Variants in SDC1 observed in about 807,000 individuals in gnomAD.
SDC1 encodes syndecan-1.
SDC1 carries 14 observed loss-of-function variants against 29.7 expected under a neutral mutation model. The observed-to-expected ratio is 0.47, with a 90% CI of 0.31 to 0.74. SDC1 has a LOEUF of 0.74. Among genes scored for constraint, SDC1 ranks in the 30% least tolerant of loss-of-function variants. The pLI is 0.05. For missense variants in SDC1, 406 were observed against 400.3 expected (o/e 1.01, Z -0.12); for synonymous variants, 204 against 175.5 (o/e 1.16, Z -1.29).
At chr2:20,210,888 T>A (rs1677445925) in intron 1 of SDC1, among the ~76,000 whole-genome samples, 1 of 150,116 alleles carries the variant, frequency 6.7e-6, no homozygotes, top group East Asian at 2.0e-4. Flanking sequence ...TTCCACACAA[T>A]GGCAAATGTC....
At position 20,203,449 on chromosome 2, in the gene SDC1, G is replaced by A. The variant is rs1572458616; in HGVS notation, c.628-227C>T. On this transcript the variant is annotated intron_variant, in intron 3 of 4. Transcript: ENST00000254351. ...TGGATATCACAAAAAGTGATACAAA[G>A]CACACATTTTTGTATGGAAATAAGC... is the stretch of plus-strand genomic sequence containing the variant. 5.3e-5 allele frequency among the ~76,000 whole-genome samples: 8 copies of A among 152,336 alleles called. 2 individuals are homozygous for A. The South Asian group carries it at 1.7e-3, about 32-fold the overall frequency.
intron 1 of SDC1, among the ~76,000 whole-genome samples, chr2:20,222,009 G>C (rs1245788854): frequency 6.6e-6 from 1 of 152,158 alleles, no homozygotes; most frequent in Non-Finnish European, 1.5e-5. Context: ...AAAGAGAAGA[G>C]AGAAAGAATG....
intron 3 of SDC1, among the ~76,000 whole-genome samples, chr2:20,203,455 A>C (rs1449508465): frequency 6.6e-6 from 1 of 152,234 alleles, no homozygotes; most frequent in African/African-American, 2.4e-5. Context: ...CAAAGCACAC[A>C]TTTTTGTATG....
chr2:20,207,413 C>T (rs1029224355), intron 1 of SDC1: 1 of 984,952 alleles, frequency 1.0e-6, no homozygotes. Flanking sequence ...CATGGCCCAT[C>T]TACAATAAAC....
At chr2:20,206,599 A>C (rs183004434) in intron 1 of SDC1, among the ~76,000 whole-genome samples, 183 of 152,312 alleles carry the variant, frequency 1.2e-3, no homozygotes, top group African/African-American at 4.0e-3. Context: ...TACACAGTCT[A>C]TCTTGAGAGG....
In SDC1 at chr2:20,204,956, A is replaced by G. The variant is rs80255318; in HGVS notation, c.148+387T>C. ...CTCTGTGCTGCCTTACAGCTCCACA[A>G]GCTTATCAGGTCAAGGTATTATTCC... On this transcript the variant is annotated intron_variant, in intron 2 of 4. Transcript: ENST00000254351. Among the ~76,000 whole-genome samples, 164 of 152,358 alleles carry G rather than the reference A, an allele frequency of 1.1e-3. 1 individual carries two copies. Among genetic ancestry groups the G allele is most frequent in the African/African-American group, 3.6e-3 (151 of 41,590 alleles).
At chr2:20,209,982 A>G (rs1319410099) in intron 1 of SDC1, among the ~76,000 whole-genome samples, 1 of 152,178 alleles carries the variant, frequency 6.6e-6, no homozygotes, top group Non-Finnish European at 1.5e-5. Flanking sequence ...TCCAGCCCGC[A>G]CCCTGAATCA....
rs1677306130 is a variant in SDC1 at position 20,207,293 on chromosome 2, T to C, written c.67-1869A>G. 1.5e-5 allele frequency: 6 copies of C among 395,452 alleles called. No individual in the cohort carries two copies. In the South Asian group the frequency reaches 6.3e-4, roughly 41 times the overall value. The allele number at this position is 395,452 out of a possible 1,614,324, so 24.5% of individuals were successfully genotyped here. On this transcript the variant is annotated intron_variant, in intron 1 of 4. Transcript: ENST00000254351. ...AAAGGACAAAAGCTAAACTGTATCT[T>C]CCTTCCCCCAAGAGAAAGGTTTTGA...
intron 1 of SDC1, chr2:20,207,894 G>A (rs1293739404): frequency 1.7e-5 from 16 of 953,626 alleles, no homozygotes; most frequent in Non-Finnish European, 1.9e-5. Flanking sequence ...CCCACCGGGG[G>A]ATCACAGAGT....
chr2:20,210,837 T>C (rs1284001157), intron 1 of SDC1, among the ~76,000 whole-genome samples: 1 of 152,238 alleles, frequency 6.6e-6, no homozygotes, highest in East Asian at 1.9e-4. Flanking sequence ...GGAGGGCCCA[T>C]GGTCATGGCA....
chr2:20,203,782 C>A, intron 3 of SDC1, 31 bp downstream of exon 3: 1 of 1,487,118 alleles, frequency 6.7e-7, no homozygotes, highest in South Asian at 1.2e-5. Flanking sequence ...CCAACCCACT[C>A]AATTTCCCAA....
In SDC1 at chr2:20,203,901, G is replaced by C; in HGVS notation, c.539C>G (p.Thr180Arg). ...PSQADLHTPHTEDGGPSATER... is the reference protein window; with the variant it reads ...PSQADLHTPHREDGGPSATER... The stretch of plus-strand genomic sequence containing the variant: ...GGTGGCAGAAGGACCTCCATCCTCT[G>C]TGTGGGGAGTGTGAAGGTCAGCTTG... Residue 180 changes from threonine (T) to arginine (R), a missense_variant, in exon 3 of 5, where the codon ACA becomes AGA. Transcript: ENST00000254351. 1 of 1,613,896 alleles carries C rather than the reference G, an allele frequency of 6.2e-7. No homozygotes were observed. The highest frequency in any genetic ancestry group is 8.5e-7 in the Non-Finnish European group (1 of 1,179,950).
At chr2:20,212,326 C>T (rs886579303) in intron 1 of SDC1, among the ~76,000 whole-genome samples, 2 of 152,214 alleles carry the variant, frequency 1.3e-5, no homozygotes, top group Admixed American at 6.5e-5. Context: ...ATCTGTACAA[C>T]GGAGGTTTGG....
Position 20,204,084 on chromosome 2 carries a change from T to G in SDC1, c.356A>C (p.Gln119Pro). 6.2e-7 allele frequency: 1 copy of G among 1,609,986 alleles called. No individual in the cohort carries two copies. The highest frequency in any genetic ancestry group is 8.5e-7 in the Non-Finnish European group (1 of 1,179,758). Residue 119 changes from glutamine to proline, a missense_variant, in exon 3 of 5, where the codon CAG becomes CCG. Transcript: ENST00000254351. ...EVEPGLTAREQEATPRPRETT... is the reference protein window; with the variant it reads ...EVEPGLTAREPEATPRPRETT... ...CTCCCTGGGTCGGGGGGTGGCCTCCTGCTCCCGGGCGGTGAGGCCAGGCTC... is the reference window on the plus strand; with the variant it reads ...CTCCCTGGGTCGGGGGGTGGCCTCCGGCTCCCGGGCGGTGAGGCCAGGCTC...
At position 20,202,814 on chromosome 2, in the gene SDC1, G is replaced by A. The variant is rs773128317; in HGVS notation, c.885C>T (p.Asn295=). ...TGGTGGGCTTCTGGTAGGCCCCGCCGTTGGCTTGTTTCGGCTCCTCCAAGG... is the reference window on the plus strand; with the variant it reads ...TGGTGGGCTTCTGGTAGGCCCCGCCATTGGCTTGTTTCGGCTCCTCCAAGG... The part of the protein sequence containing the change: ...SYSLEEPKQA[N]GGAYQKPTKQ... Residue 295 remains asparagine, a synonymous_variant, in exon 5 of 5, where the codon AAC becomes AAT. Coordinates refer to ENST00000254351, the MANE Select transcript of SDC1 (RefSeq NM_002997.5). 1.9e-5 allele frequency: 31 copies of A among 1,613,198 alleles called. No homozygotes were observed. Among genetic ancestry groups the A allele is most frequent in the Admixed American group, 8.3e-5 (5 of 59,894 alleles).
At chr2:20,216,590 G>A (rs931153435) in intron 1 of SDC1, among the ~76,000 whole-genome samples, 2 of 152,202 alleles carry the variant, frequency 1.3e-5, no homozygotes, top group Non-Finnish European at 2.9e-5. Flanking sequence ...AGGGATGACA[G>A]GAAGCTACTG....
rs1677080946 is a variant in SDC1 at position 20,202,935 on chromosome 2, C to T, written c.764G>A (p.Gly255Glu). ...CCCCACGAGGCCTCCGGCAATGACC[C>T]CTAGGGCAGGTAGACGGGGCCAGCT... is the stretch of plus-strand genomic sequence containing the variant. The part of the protein sequence containing the change: ...GLLDRKEVLG[G>E]VIAGGLVGLI... The change falls in exon 5 of 5, where the codon GGG (glycine) becomes GAG (glutamate). Residue 255 changes from glycine to glutamate, a missense_variant and splice_region_variant. By Grantham distance (98) the Gly-to-Glu change is moderately conservative (BLOSUM62 -2). Transcript: ENST00000254351. 5 of 1,606,204 alleles carry T rather than the reference C, an allele frequency of 3.1e-6. No individual in the cohort carries two copies. The highest frequency in any genetic ancestry group is 2.2e-5 in the South Asian group (2 of 90,292).
At position 20,208,050 on chromosome 2, in the gene SDC1, G is replaced by A. The variant is rs375536740; in HGVS notation, c.67-2626C>T. 4.1e-6 allele frequency: 4 copies of A among 985,292 alleles called. No homozygotes were observed. The African/African-American group carries it at 5.2e-5, about 13-fold the overall frequency. The allele number at this position is 985,292 out of a possible 1,614,324, so 61.0% of individuals were successfully genotyped here. A position where few individuals can be genotyped will look rare whatever the true frequency, so the allele number is the denominator to read the frequency against. ...CAAGGCACTGGCACTTCGACCCCAC[G>A]AGCCTCTGCTGCATTGTAGAGTGCC... is the stretch of plus-strand genomic sequence containing the variant. On this transcript the variant is annotated intron_variant, in intron 1 of 4. Coordinates refer to ENST00000254351, the MANE Select transcript of SDC1 (RefSeq NM_002997.5).
intron 1 of SDC1, among the ~76,000 whole-genome samples, chr2:20,210,268 GA>G (rs1413865339): frequency 2.6e-5 from 4 of 152,178 alleles, no homozygotes; most frequent in African/African-American, 7.2e-5. Context: ...TTGAACCCAG[GA>G]GGTGGAGGTT....
Sources: gnomAD v4.1 joint callset for allele counts (sites outside exome capture counted in the v4.1 genomes callset) on GRCh38, gnomAD v4.1.1 for gene constraint, MANE v1.5 for transcripts, NCBI Gene and HGNC (gene_info 2026-07-23, HGNC 2026-07-21) for gene names.